The following RECQL5 variants were observed in gnomAD, a reference collection of about 807,000 sequenced individuals.
RECQL5 encodes ATP-dependent DNA helicase Q5.
A neutral mutation model predicts 103.4 loss-of-function variants in RECQL5; 88 were observed. That is an observed-to-expected ratio of 0.85 (90% confidence interval 0.72 to 1.02). RECQL5 has a LOEUF of 1.02. Ranked by LOEUF, RECQL5 falls within the 50% of genes least tolerant of loss-of-function variation. The probability of loss-of-function intolerance (pLI) is 0.00; values close to 1 mark genes in which losing one functional copy is unlikely to be tolerated. For synonymous variants in RECQL5, 552 were observed against 507.9 expected, an observed-to-expected ratio of 1.09 and a Z score of -1.17; for missense variants, 1,232 against 1,284.3, an observed-to-expected ratio of 0.96 and a Z score of 0.62.
rs1375020487 is a variant in RECQL5 at position 75,628,685 on chromosome 17, G to A, written c.2567C>T (p.Pro856Leu). ...PAKDTWKGKR[P>L]RSQQENPESQ... The stretch of plus-strand genomic sequence containing the variant: ...CCCTGCCGGCACCTGCTGGGATCGA[G>A]GCCGCTTGCCCTTCCATGTGTCCTT... The change falls in exon 17 of 20, where the codon CCT (proline) becomes CTT (leucine). Residue 856 changes from proline to leucine, a missense_variant. Coordinates refer to ENST00000317905, the MANE Select transcript of RECQL5 (RefSeq NM_004259.7). The A allele has an allele frequency of 6.3e-7, 1 of 1,587,810 alleles. No individual in the cohort carries two copies. The highest frequency in any genetic ancestry group is 8.5e-7 in the Non-Finnish European group (1 of 1,173,176).
intron 4 of RECQL5, among the ~76,000 whole-genome samples, chr17:75,662,275 T>C (rs1236141027): frequency 6.6e-6 from 1 of 152,216 alleles, no homozygotes; most frequent in African/African-American, 2.4e-5. Context: ...GCTGGCTGCT[T>C]GCCTTCCACA....
At chr17:75,665,331 A>G (rs820157) in intron 2 of RECQL5, among the ~76,000 whole-genome samples, 159 bp from the exon 3 acceptor site, 40,125 of 152,138 alleles carry the variant, frequency 0.26, 5,685 homozygotes, top group Middle Eastern at 0.34. Context: ...TTCTATGAAA[A>G]AGGCAAGGAT....
chr17:75,640,899 G>T lies in RECQL5; in HGVS notation c.1230-9231C>A. The T allele has an allele frequency of 1.3e-6, 2 of 1,543,228 alleles. No individual in the cohort carries two copies. The highest frequency in any genetic ancestry group is 1.7e-6 in the Non-Finnish European group (2 of 1,146,688). Reference sequence around the variant, plus strand: ...CAGGTGCAGCCGACACCACCATGACGGACGGGCGATGGCTGAGGAGAAGCT... The same window carrying T: ...CAGGTGCAGCCGACACCACCATGACTGACGGGCGATGGCTGAGGAGAAGCT... On this transcript the variant is annotated intron_variant, in intron 8 of 19. Transcript: ENST00000317905. This position sits in a 1 kb window ranked among gnomAD's most constrained non-coding sequence, Gnocchi z 4.6.
At chr17:75,648,338 G>C (rs941895315) in intron 8 of RECQL5, among the ~76,000 whole-genome samples, 2 of 151,938 alleles carry the variant, frequency 1.3e-5, no homozygotes, top group Non-Finnish European at 2.9e-5. Context: ...TTATACTCTC[G>C]AAACACCATT....
Position 75,629,451 on chromosome 17 carries a change from C to T in RECQL5, c.1972G>A (p.Gly658Ser). Residue 658 changes from glycine (G) to serine (S), a missense_variant, in exon 16 of 20, where the codon GGT becomes AGT. Physicochemically the swap from Gly to Ser is moderately conservative, Grantham distance 56. Coordinates refer to ENST00000317905, the MANE Select transcript of RECQL5 (RefSeq NM_004259.7). ...YSLKPKRVGA[G>S]FPKGSCPFQT... is the part of the protein sequence containing the mutation. ...AACGGGCAGGAGCCTTTGGGGAAAC[C>T]AGCTCCCACCCGCTTGGGTTTGAGC... is the stretch of plus-strand genomic sequence containing the variant. 1 of 1,503,352 alleles carries T rather than the reference C, an allele frequency of 6.7e-7. No homozygotes were observed. The highest frequency in any genetic ancestry group is 8.9e-7 in the Non-Finnish European group (1 of 1,126,732). 93.1% of individuals were successfully genotyped at this position (1,503,352 alleles called of 1,614,324 possible). A position where few individuals can be genotyped will look rare whatever the true frequency, so the allele number is the denominator to read the frequency against.
At position 75,662,653 on chromosome 17, in the gene RECQL5, G is replaced by T. The variant is rs1402968160; in HGVS notation, c.597C>A (p.Val199=). ...VALTATATPQ[V]QEDVFAALHL... is the part of the protein sequence containing the mutation. Reference sequence around the variant, plus strand: ...GCAGGGCAGCAAACACGTCCTCTTGGACCTGTGGGGTGGCTGTGGCGGTCA... The same window carrying T: ...GCAGGGCAGCAAACACGTCCTCTTGTACCTGTGGGGTGGCTGTGGCGGTCA... Residue 199 remains valine (V), a synonymous_variant, in exon 4 of 20, where the codon GTC becomes GTA. Coordinates refer to ENST00000317905, the MANE Select transcript of RECQL5 (RefSeq NM_004259.7). The T allele has an allele frequency of 1.9e-6, 3 of 1,614,160 alleles. No individual in the cohort carries two copies. In the East Asian group the frequency reaches 6.7e-5, roughly 36 times the overall value.
intron 8 of RECQL5, among the ~76,000 whole-genome samples, chr17:75,634,460 C>A (rs1213066553): frequency 6.6e-6 from 1 of 152,198 alleles, no homozygotes; most frequent in African/African-American, 2.4e-5. Context: ...GCAGAGGGGC[C>A]CCGAGGGCCT....
chr17:75,646,522 G>A (rs1468601318), intron 8 of RECQL5: 1 of 152,510 alleles, frequency 6.6e-6, no homozygotes, highest in East Asian at 1.9e-4. Context: ...GAGCTGAAGG[G>A]GGAACGTGAA....
intron 8 of RECQL5, chr17:75,641,117 T>C (rs1188748110): frequency 2.6e-6 from 2 of 758,478 alleles, no homozygotes; most frequent in Non-Finnish European, 4.0e-6. Context: ...CACTGGGTGC[T>C]GGGGAGTCAG....
chr17:75,666,880 C>A, intron 1 of RECQL5, 164 bp downstream of exon 1: 1 of 275,660 alleles, frequency 3.6e-6, no homozygotes, highest in Non-Finnish European at 6.9e-6. Context: ...AACGGGGAAC[C>A]GTTTTCCTAA....
At chr17:75,663,424 G>A (rs2059725562) in intron 3 of RECQL5, among the ~76,000 whole-genome samples, 1 of 151,926 alleles carries the variant, frequency 6.6e-6, no homozygotes, top group African/African-American at 2.4e-5. Flanking sequence ...TTTTGTGCAT[G>A]AAAAAACAGT....
chr17:75,631,753 G>A (rs1264951230), intron 8 of RECQL5, 85 bp from the exon 9 acceptor site: 16 of 1,390,784 alleles, frequency 1.2e-5, no homozygotes, highest in Admixed American at 1.9e-5. Context: ...CGCTAGCTGA[G>A]CGAGCACTGC....
intron 8 of RECQL5, chr17:75,650,106 G>A (rs1161279030): frequency 2.0e-6 from 2 of 985,744 alleles, no homozygotes; most frequent in African/African-American, 3.5e-5. Flanking sequence ...CCAGAAATAA[G>A]AGCTCTGCTC....
intron 8 of RECQL5, chr17:75,635,850 G>A (rs2059311433): frequency 4.1e-6 from 4 of 985,344 alleles, no homozygotes; most frequent in East Asian, 1.1e-4. Flanking sequence ...GCCCTTCCTC[G>A]TGAGGCGCCT....
At chr17:75,648,073 C>T (rs2059510194) in intron 8 of RECQL5, 1 of 165,652 alleles carries the variant, frequency 6.0e-6, no homozygotes, top group Non-Finnish European at 1.4e-5. Flanking sequence ...CTGCCTGTCT[C>T]CAGCCATCTT....
chr17:75,647,569 G>A, intron 8 of RECQL5: 2 of 1,549,806 alleles, frequency 1.3e-6, no homozygotes, highest in South Asian at 2.4e-5. Context: ...GGAGTGACCT[G>A]ACTTGCTGGG....
At chr17:75,634,722 G>A (rs1447431362) in intron 8 of RECQL5, among the ~76,000 whole-genome samples, 2 of 152,166 alleles carry the variant, frequency 1.3e-5, no homozygotes, top group Non-Finnish European at 2.9e-5. Context: ...CTCAGCTCAC[G>A]GCTCAGCCTG....
At chr17:75,633,204 C>G (rs1792862581) in intron 8 of RECQL5, among the ~76,000 whole-genome samples, 1 of 152,274 alleles carries the variant, frequency 6.6e-6, no homozygotes, top group African/African-American at 2.4e-5. Flanking sequence ...CTGGGAGGCT[C>G]TGGCATCCGA....
At chr17:75,660,741 TG>T (rs749500655) in intron 6 of RECQL5, among the ~76,000 whole-genome samples, 5 of 152,210 alleles carry the variant, frequency 3.3e-5, no homozygotes, top group Non-Finnish European at 5.9e-5. Flanking sequence ...TGCCCCATCC[TG>T]GGGGGTGCCA....
Sources: gnomAD v4.1 joint callset for allele counts (sites outside exome capture counted in the v4.1 genomes callset) on GRCh38, gnomAD v4.1.1 for gene constraint, Gnocchi (gnomAD v3.1) non-coding constraint, MANE v1.5 for transcripts, NCBI Gene and HGNC (gene_info 2026-07-23, HGNC 2026-07-21) for gene names.